The following PITPNC1 variants were observed in gnomAD, a reference collection of about 807,000 sequenced individuals.
PITPNC1 encodes the protein phosphatidylinositol transfer protein cytoplasmic 1.
PITPNC1 carries 18 observed loss-of-function variants against 44.7 expected under a neutral mutation model. The observed-to-expected ratio is 0.40, with a 90% CI of 0.28 to 0.60. The LOEUF (loss-of-function observed/expected upper bound fraction) is 0.60, where lower values mean the gene tolerates loss of function less well. Among genes scored for constraint, PITPNC1 ranks in the 20% least tolerant of loss-of-function variants. The pLI, the probability that PITPNC1 is intolerant of heterozygous loss-of-function variation, is 0.39. For synonymous variants in PITPNC1, 141 were observed against 149.6 expected (o/e 0.94, Z 0.42); for missense variants, 290 against 418.4 (o/e 0.69, Z 2.68).
rs190379944 is a variant in PITPNC1 at position 67,655,783 on chromosome 17, G to T, written c.463-13725G>T. Among the ~76,000 whole-genome samples the T allele has an allele frequency of 8.1e-4, 123 of 151,928 alleles. No homozygotes were observed. The Middle Eastern group carries it at 0.01, about 13-fold the overall frequency. On this transcript the variant is annotated intron_variant, in intron 6 of 8. Coordinates refer to ENST00000581322, the MANE Select transcript of PITPNC1 (RefSeq NM_012417.4). ...ACCTCATTTCCACAAAACATTAAAA[G>T]AATTTTTTAATTAGCTGGGCATGGT...
chr17:67,505,903 G>A (rs1460442517), intron 1 of PITPNC1, among the ~76,000 whole-genome samples: 1 of 152,146 alleles, frequency 6.6e-6, no homozygotes, highest in African/African-American at 2.4e-5. Flanking sequence ...CAATTCTTTT[G>A]ATGGTGTTTC....
chr17:67,573,853 G>A (rs1880361550), intron 4 of PITPNC1, among the ~76,000 whole-genome samples: 1 of 152,136 alleles, frequency 6.6e-6, no homozygotes, highest in Non-Finnish European at 1.5e-5. Flanking sequence ...GAGCCACCAT[G>A]CCCGGCTACT....
At chr17:67,491,482 C>A (rs2039864137) in intron 1 of PITPNC1, among the ~76,000 whole-genome samples, 1 of 152,166 alleles carries the variant, frequency 6.6e-6, no homozygotes, top group Non-Finnish European at 1.5e-5. Context: ...AAAATTATAG[C>A]CTGGTTTTCT....
chr17:67,410,892 G>A (rs1373694159), intron 1 of PITPNC1, among the ~76,000 whole-genome samples: 2 of 151,734 alleles, frequency 1.3e-5, no homozygotes, highest in African/African-American at 4.8e-5. Context: ...AGACCAGCCT[G>A]GCCAAGTTGG....
intron 4 of PITPNC1, among the ~76,000 whole-genome samples, chr17:67,554,253 A>ATTTTTTTTTT (rs11413972): frequency 9.0e-6 from 1 of 111,128 alleles, no homozygotes; most frequent in Non-Finnish European, 1.8e-5. Context: ...ATAGTTTATG[A>ATTTTTTTTTT]TTTTTTTTTT....
At chr17:67,501,790 GC>G (rs1298934167) in intron 1 of PITPNC1, among the ~76,000 whole-genome samples, 1 of 151,818 alleles carries the variant, frequency 6.6e-6, no homozygotes, top group Non-Finnish European at 1.5e-5. Flanking sequence ...CCAAGACTGT[GC>G]CATTGCACTC....
rs550805403 is a variant in PITPNC1 at position 67,406,933 on chromosome 17, G to A, written c.48+28731G>A. On this transcript the variant is annotated intron_variant, in intron 1 of 8. Coordinates refer to ENST00000581322, the MANE Select transcript of PITPNC1 (RefSeq NM_012417.4). ...TTGTATGGATATACATATATATTTC[G>A]GACATTTGGGTTGTTTCCAGTTTTT... is the stretch of plus-strand genomic sequence containing the variant. Among the ~76,000 whole-genome samples, 13 of 152,244 alleles carry A rather than the reference G, an allele frequency of 8.5e-5. No homozygotes were observed. The East Asian group carries it at 1.9e-3, about 23-fold the overall frequency.
At chr17:67,485,986 A>C (rs1362529209) in intron 1 of PITPNC1, among the ~76,000 whole-genome samples, 1 of 152,226 alleles carries the variant, frequency 6.6e-6, no homozygotes, top group Non-Finnish European at 1.5e-5. Context: ...TGAATTTAGA[A>C]GCAATAGTAT....
chr17:67,428,248 C>A (rs1045983528), intron 1 of PITPNC1, among the ~76,000 whole-genome samples: 2 of 152,128 alleles, frequency 1.3e-5, no homozygotes, highest in African/African-American at 4.8e-5. Flanking sequence ...TGAAAACATA[C>A]TGTGCCTTGG....
intron 7 of PITPNC1, among the ~76,000 whole-genome samples, chr17:67,672,372 G>A (rs2042529683): frequency 6.6e-6 from 1 of 151,824 alleles, no homozygotes; most frequent in South Asian, 2.1e-4. Context: ...GAGGCAGGCA[G>A]ATCACTTGAG....
chr17:67,684,798 A>C (rs1314963670), intron 8 of PITPNC1, among the ~76,000 whole-genome samples: 1 of 152,258 alleles, frequency 6.6e-6, no homozygotes, highest in Non-Finnish European at 1.5e-5. Flanking sequence ...ACAAGGCAGC[A>C]ATGAATATCT....
chr17:67,544,659 G>A (rs1274242724), intron 2 of PITPNC1, among the ~76,000 whole-genome samples: 1 of 152,226 alleles, frequency 6.6e-6, no homozygotes, highest in Non-Finnish European at 1.5e-5. Context: ...GCCTCTGATG[G>A]CTTTGGGTAG....
intron 1 of PITPNC1, among the ~76,000 whole-genome samples, chr17:67,458,786 C>G: frequency 6.6e-6 from 1 of 152,126 alleles, no homozygotes; most frequent in East Asian, 1.9e-4. Context: ...CTTACATGGT[C>G]TGATAGTGAG....
At chr17:67,631,657 A>AAAAATATATATATATATATAT (rs1555574522) in intron 5 of PITPNC1, among the ~76,000 whole-genome samples, 1 of 7,672 alleles carries the variant, frequency 1.3e-4, no homozygotes, top group Non-Finnish European at 2.9e-4. Flanking sequence ...AAAAAAAAAA[A>AAAAATATATATATATATATAT]ATATATATAT....
At chr17:67,655,117 A>G (rs183836038) in intron 6 of PITPNC1, among the ~76,000 whole-genome samples, 1 of 152,324 alleles carries the variant, frequency 6.6e-6, no homozygotes, top group Non-Finnish European at 1.5e-5. Flanking sequence ...ATTTTTTACA[A>G]TTCCAGAGGC....
At position 67,425,250 on chromosome 17, in the gene PITPNC1, C is replaced by G. The variant is rs1364379166; in HGVS notation, c.48+47048C>G. On this transcript the variant is annotated intron_variant, in intron 1 of 8. Transcript: ENST00000581322. ...ACACACACACACACACACACACACACACACACACACACAGAGGGAGAGAGA... is the reference window on the plus strand; with the variant it reads ...ACACACACACACACACACACACACAGACACACACACACAGAGGGAGAGAGA... 5.7e-4 allele frequency among the ~76,000 whole-genome samples: 67 copies of G among 117,852 alleles called. 2 individuals carry two copies. The highest frequency in any genetic ancestry group is 2.4e-3 in the African/African-American group (67 of 28,258). The allele number at this position is 117,852 out of a possible 152,430, so 77.3% of individuals were successfully genotyped here. A position where few individuals can be genotyped will look rare whatever the true frequency, so the allele number is the denominator to read the frequency against.
intron 1 of PITPNC1, among the ~76,000 whole-genome samples, chr17:67,477,776 T>G (rs551161274): frequency 1.3e-5 from 2 of 152,212 alleles, no homozygotes; most frequent in East Asian, 3.9e-4. Flanking sequence ...GCCCTGGGCT[T>G]CCCTCTACCC....
chr17:67,549,988 G>A (rs918886159), intron 2 of PITPNC1, among the ~76,000 whole-genome samples: 1 of 152,070 alleles, frequency 6.6e-6, no homozygotes, highest in South Asian at 2.1e-4. Context: ...AGGAACCAGG[G>A]GAAGTTTTGC....
chr17:67,519,321 C>T (rs537501309), intron 1 of PITPNC1, among the ~76,000 whole-genome samples: 5 of 151,944 alleles, frequency 3.3e-5, no homozygotes, highest in East Asian at 1.9e-4. Context: ...GGACTACAGG[C>T]GTGCACCACC....
Sources: allele counts gnomAD v4.1 joint callset (sites outside exome capture counted in the v4.1 genomes callset), GRCh38; gene constraint gnomAD v4.1.1; transcripts MANE v1.5; gene names NCBI Gene and HGNC (gene_info 2026-07-23, HGNC 2026-07-21).